The following ZDHHC14 variants were observed in gnomAD, a reference collection of about 807,000 sequenced individuals.
ZDHHC14 encodes palmitoyltransferase ZDHHC14.
In ZDHHC14, 16 loss-of-function variants were observed where a neutral mutation model predicts 47.7. The ratio of observed to expected loss-of-function variants is 0.34; its 90% CI spans 0.23 to 0.51. The LOEUF is 0.51. ZDHHC14 is among the 20% of genes least tolerant of loss of function. ZDHHC14 has a pLI of 0.97. For missense variants in ZDHHC14, 515 were observed against 662.5 expected (o/e 0.78, Z 2.44); for synonymous variants, 293 against 278.9 (o/e 1.05, Z -0.50).
chr6:157,517,674 G>T (rs1356075579), intron 1 of ZDHHC14, among the ~76,000 whole-genome samples: 1 of 152,146 alleles, frequency 6.6e-6, no homozygotes, highest in Non-Finnish European at 1.5e-5. Flanking sequence ...TCCCAAACCG[G>T]CGACTCCTGA....
chr6:157,454,498 CTT>C (rs5881212), intron 1 of ZDHHC14, among the ~76,000 whole-genome samples: 414 of 127,622 alleles, frequency 3.2e-3, no homozygotes, highest in African/African-American at 6.4e-3. Context: ...GCAGCTTCTT[CTT>C]TTTTTTTTTT....
chr6:157,468,043 A>G (rs1425262038), intron 1 of ZDHHC14, among the ~76,000 whole-genome samples: 1 of 152,212 alleles, frequency 6.6e-6, no homozygotes, highest in Non-Finnish European at 1.5e-5. Flanking sequence ...AAAAACAAGG[A>G]TAGGTTGTCA....
chr6:157,501,903 A>G (rs1330800515), intron 1 of ZDHHC14, among the ~76,000 whole-genome samples: 1 of 152,228 alleles, frequency 6.6e-6, no homozygotes, highest in African/African-American at 2.4e-5. Flanking sequence ...CAGCTTCTTC[A>G]GGACACAGGA....
intron 8 of ZDHHC14, among the ~76,000 whole-genome samples, chr6:157,665,235 G>A (rs924142794): frequency 6.6e-6 from 1 of 152,168 alleles, no homozygotes; most frequent in African/African-American, 2.4e-5. Context: ...TCATTCCTGG[G>A]AGTAGAAGAG....
intron 1 of ZDHHC14, among the ~76,000 whole-genome samples, chr6:157,460,404 GGAA>G (rs1779048765): frequency 1.8e-5 from 1 of 54,368 alleles, no homozygotes; most frequent in African/African-American, 8.4e-5. Flanking sequence ...CTCTCTCTCT[GGAA>G]AAAAAAAAAA....
At chr6:157,551,355 G>GGT (rs1782223440) in intron 2 of ZDHHC14, among the ~76,000 whole-genome samples, 1 of 152,184 alleles carries the variant, frequency 6.6e-6, no homozygotes, top group Admixed American at 6.5e-5. Context: ...CTCAGAGACA[G>GGT]GTGTAACTCC....
chr6:157,448,721 C>T (rs535734401), intron 1 of ZDHHC14, among the ~76,000 whole-genome samples: 56 of 152,310 alleles, frequency 3.7e-4, no homozygotes, highest in South Asian at 2.1e-3. Context: ...GGATCACAGG[C>T]GTGCACCACC....
At chr6:157,389,701 T>C (rs1777383240) in intron 1 of ZDHHC14, among the ~76,000 whole-genome samples, 1 of 152,216 alleles carries the variant, frequency 6.6e-6, no homozygotes, top group Non-Finnish European at 1.5e-5. Flanking sequence ...AATTACAGTC[T>C]ATCTCCAAAT....
At chr6:157,443,102 T>G (rs111589122) in intron 1 of ZDHHC14, among the ~76,000 whole-genome samples, 3,807 of 152,256 alleles carry the variant, frequency 0.025, 171 homozygotes, top group African/African-American at 0.087. Flanking sequence ...GATTGGATCA[T>G]GGGGGCAGTT....
intron 3 of ZDHHC14, among the ~76,000 whole-genome samples, chr6:157,602,127 G>A (rs751097104): frequency 6.6e-5 from 10 of 151,800 alleles, no homozygotes; most frequent in East Asian, 1.9e-4. Context: ...GCTTGAACCC[G>A]GGAGGCTCGA....
At chr6:157,600,967 G>T (rs780503284) in intron 3 of ZDHHC14, among the ~76,000 whole-genome samples, 1 of 152,222 alleles carries the variant, frequency 6.6e-6, no homozygotes, top group African/African-American at 2.4e-5. Context: ...GAGATGCCGC[G>T]CAGGAGGCCT....
intron 1 of ZDHHC14, among the ~76,000 whole-genome samples, chr6:157,413,555 G>C (rs374236200): frequency 2.6e-5 from 4 of 151,174 alleles, no homozygotes; most frequent in Admixed American, 6.6e-5. Flanking sequence ...TCTTTTAAAG[G>C]TATCTCTGTT....
chr6:157,445,144 A>ACACACACACACACACACACT, intron 1 of ZDHHC14, among the ~76,000 whole-genome samples: 1 of 146,954 alleles, frequency 6.8e-6, no homozygotes, highest in Middle Eastern at 3.4e-3. Flanking sequence ...ACACACACAC[A>ACACACACACACACACACACT]CTCTTCATAT....
intron 5 of ZDHHC14, among the ~76,000 whole-genome samples, chr6:157,643,446 G>A (rs548599466): frequency 3.3e-5 from 5 of 151,786 alleles, no homozygotes; most frequent in South Asian, 2.1e-4. Context: ...TCAGGAGTCC[G>A]AGACCAGCCT....
intron 1 of ZDHHC14, among the ~76,000 whole-genome samples, chr6:157,382,818 A>T (rs1424660983): frequency 6.6e-6 from 1 of 152,238 alleles, no homozygotes; most frequent in Non-Finnish European, 1.5e-5. Flanking sequence ...TGCCCTGGAT[A>T]GATCATTGCA....
At position 157,670,076 on chromosome 6, in the gene ZDHHC14, C is replaced by A. The variant is rs2038586; in HGVS notation, c.1069-2648C>A. Among the ~76,000 whole-genome samples, 4 of 152,252 alleles carry A rather than the reference C, an allele frequency of 2.6e-5. No homozygotes were observed. In the East Asian group the frequency reaches 5.8e-4, roughly 22 times the overall value. Reference sequence around the variant, plus strand: ...GAGCAGAGCTGACAGCATGGGAGAGCGCCCGCAGCCTACACAGGCCACAGC... The same window carrying A: ...GAGCAGAGCTGACAGCATGGGAGAGAGCCCGCAGCCTACACAGGCCACAGC... On this transcript the variant is annotated intron_variant, in intron 8 of 8. Transcript: ENST00000359775.
intron 3 of ZDHHC14, among the ~76,000 whole-genome samples, chr6:157,598,346 A>G (rs778099759): frequency 7.2e-5 from 11 of 152,140 alleles, no homozygotes; most frequent in African/African-American, 1.4e-4. Flanking sequence ...TGAGATTCGT[A>G]TCCTTGTTGG....
At chr6:157,390,570 A>C (rs2114734664) in intron 1 of ZDHHC14, among the ~76,000 whole-genome samples, 2 of 151,864 alleles carry the variant, frequency 1.3e-5, no homozygotes, top group South Asian at 4.2e-4. Flanking sequence ...ACTTTATTCC[A>C]TGTTTTTGTC....
At chr6:157,635,907 A>C (rs1178688088) in intron 5 of ZDHHC14, among the ~76,000 whole-genome samples, 1 of 152,214 alleles carries the variant, frequency 6.6e-6, no homozygotes, top group African/African-American at 2.4e-5. Context: ...CTATTGGCCC[A>C]GTTTTTGAAA....
Sources: gnomAD v4.1 joint callset for allele counts (sites outside exome capture counted in the v4.1 genomes callset) on GRCh38, gnomAD v4.1.1 for gene constraint, MANE v1.5 for transcripts, NCBI Gene and HGNC (gene_info 2026-07-23, HGNC 2026-07-21) for gene names.